The following PRKD1 variants were observed in gnomAD, a reference collection of about 807,000 sequenced individuals.
PRKD1 encodes the protein protein kinase D1, also known as serine/threonine-protein kinase D1.
PRKD1 carries 63 observed loss-of-function variants against 95.9 expected under a neutral mutation model. The observed-to-expected ratio is 0.66, with a 90% CI of 0.54 to 0.81. The LOEUF (loss-of-function observed/expected upper bound fraction) is 0.81, where lower values mean the gene tolerates loss of function less well. PRKD1 is among the 30% of genes least tolerant of loss of function. The pLI is 0.00. For synonymous variants in PRKD1, 425 were observed against 423.1 expected (o/e 1.00, Z -0.05); for missense variants, 1,048 against 1,165.3 (o/e 0.90, Z 1.47).
At chr14:29,678,025 A>C (rs71415909) in intron 2 of PRKD1, among the ~76,000 whole-genome samples, 1 of 152,234 alleles carries the variant, frequency 6.6e-6, no homozygotes, top group Non-Finnish European at 1.5e-5. Flanking sequence ...ATTTATAAAT[A>C]ATTATAAAAC....
At chr14:29,851,561 T>C (rs561404422) in intron 1 of PRKD1, among the ~76,000 whole-genome samples, 2 of 152,260 alleles carry the variant, frequency 1.3e-5, no homozygotes, top group East Asian at 1.9e-4. Flanking sequence ...AGAATGGCTA[T>C]TATTACGAAG....
At chr14:29,670,351 G>A (rs12879792) in intron 2 of PRKD1, among the ~76,000 whole-genome samples, 1 of 152,170 alleles carries the variant, frequency 6.6e-6, no homozygotes, top group Non-Finnish European at 1.5e-5. Flanking sequence ...GGCTAAGTCT[G>A]TCTAGGTCTG....
chr14:29,659,514 C>T (rs1473266040), intron 4 of PRKD1, among the ~76,000 whole-genome samples: 2 of 152,128 alleles, frequency 1.3e-5, no homozygotes, highest in Non-Finnish European at 2.9e-5. Context: ...ACACCATATG[C>T]ATGTGTTTAG....
chr14:29,711,107 C>T (rs1885314716), intron 2 of PRKD1, among the ~76,000 whole-genome samples: 1 of 151,954 alleles, frequency 6.6e-6, no homozygotes. Context: ...CCTTGAAGGA[C>T]AAAATAGATG....
At chr14:29,714,365 C>T (rs1885491438) in intron 2 of PRKD1, among the ~76,000 whole-genome samples, 1 of 152,190 alleles carries the variant, frequency 6.6e-6, no homozygotes, top group African/African-American at 2.4e-5. Context: ...AAATGCTTAT[C>T]ATCACTGGTC....
chr14:29,693,365 T>G (rs7143469), intron 2 of PRKD1, among the ~76,000 whole-genome samples: 11 of 151,774 alleles, frequency 7.2e-5, no homozygotes, highest in African/African-American at 2.2e-4. Flanking sequence ...AGTTTGGGTC[T>G]TATCAGTCCA....
intron 1 of PRKD1, among the ~76,000 whole-genome samples, chr14:29,835,855 C>T (rs971393131): frequency 3.9e-4 from 59 of 152,314 alleles, no homozygotes; most frequent in African/African-American, 1.4e-3. Flanking sequence ...AGGCGTGAGC[C>T]ACCACACCCA....
chr14:29,613,016 T>C (rs570747470), intron 13 of PRKD1, among the ~76,000 whole-genome samples: 3 of 152,076 alleles, frequency 2.0e-5, no homozygotes, highest in African/African-American at 7.2e-5. Context: ...GAGAATGGCG[T>C]GAACTCGGGA....
intron 1 of PRKD1, among the ~76,000 whole-genome samples, chr14:29,747,176 G>A (rs1487265469): frequency 2.6e-5 from 4 of 151,898 alleles, no homozygotes; most frequent in African/African-American, 4.8e-5. Context: ...AACATCACAT[G>A]TGCCACATAA....
chr14:29,726,131 T>C (rs1886130450), intron 1 of PRKD1, among the ~76,000 whole-genome samples: 1 of 152,004 alleles, frequency 6.6e-6, no homozygotes, highest in Non-Finnish European at 1.5e-5. Flanking sequence ...TATTCAAAAA[T>C]AAGAGATGCC....
At chr14:29,925,587 T>C (rs1895267795) in intron 1 of PRKD1, among the ~76,000 whole-genome samples, 1 of 152,024 alleles carries the variant, frequency 6.6e-6, no homozygotes, top group Admixed American at 6.6e-5. Context: ...AAAATCCCAC[T>C]ACCAAACCTC....
At chr14:29,704,908 ACT>A (rs529328358) in intron 2 of PRKD1, among the ~76,000 whole-genome samples, 5 of 152,252 alleles carry the variant, frequency 3.3e-5, no homozygotes, top group Non-Finnish European at 5.9e-5. Flanking sequence ...ACACAAATAG[ACT>A]CACACACAAT....
At chr14:29,749,558 C>A (rs1274065128) in intron 1 of PRKD1, among the ~76,000 whole-genome samples, 1 of 152,114 alleles carries the variant, frequency 6.6e-6, no homozygotes, top group Non-Finnish European at 1.5e-5. Context: ...TGAGGCAGAG[C>A]AGGTCAGGCA....
intron 1 of PRKD1, among the ~76,000 whole-genome samples, chr14:29,876,218 A>G (rs1893282624): frequency 6.6e-6 from 1 of 152,218 alleles, no homozygotes; most frequent in Admixed American, 6.5e-5. Flanking sequence ...CTTGTAAAAC[A>G]TGCAGCAATG....
chr14:29,923,034 C>T (rs1050232136), intron 1 of PRKD1, among the ~76,000 whole-genome samples: 1 of 151,844 alleles, frequency 6.6e-6, no homozygotes, highest in Non-Finnish European at 1.5e-5. Flanking sequence ...AGTTCCAGAC[C>T]AGCCTGGGCA....
intron 1 of PRKD1, among the ~76,000 whole-genome samples, chr14:29,810,482 A>T (rs1260177421): frequency 2.0e-5 from 3 of 152,194 alleles, no homozygotes; most frequent in Admixed American, 1.3e-4. Context: ...CTTTTCAAAT[A>T]TTTTATCTAA....
chr14:29,709,774 G>A (rs1015245299), intron 2 of PRKD1, among the ~76,000 whole-genome samples: 1 of 152,044 alleles, frequency 6.6e-6, no homozygotes, highest in Admixed American at 6.6e-5. Context: ...TTCAATTTAT[G>A]GGATGATGCC....
At chr14:29,700,683 T>C (rs1445488213) in intron 2 of PRKD1, among the ~76,000 whole-genome samples, 2 of 152,180 alleles carry the variant, frequency 1.3e-5, no homozygotes, top group African/African-American at 2.4e-5. Context: ...TATTTCTTGA[T>C]GAGATTCCGG....
At chr14:29,851,555 T>C (rs1206925582) in intron 1 of PRKD1, among the ~76,000 whole-genome samples, 1 of 152,150 alleles carries the variant, frequency 6.6e-6, no homozygotes, top group Non-Finnish European at 1.5e-5. Flanking sequence ...CCAGTCAGAA[T>C]GGCTATTATT....
Sources: gnomAD v4.1 joint callset for allele counts (sites outside exome capture counted in the v4.1 genomes callset) on GRCh38, gnomAD v4.1.1 for gene constraint, MANE v1.5 for transcripts, NCBI Gene and HGNC (gene_info 2026-07-23, HGNC 2026-07-21) for gene names.